The following CELF4 variants were observed in gnomAD, a reference collection of about 807,000 sequenced individuals.
CELF4 encodes the protein CUGBP Elav-like family member 4, also known as CUG-BP- and ETR-3-like factor 4.
CELF4 carries 18 observed loss-of-function variants against 59.9 expected under a neutral mutation model. The observed-to-expected ratio is 0.30, with a 90% CI of 0.21 to 0.45. CELF4 has a LOEUF of 0.45. Ranked by LOEUF, CELF4 falls within the 20% of genes least tolerant of loss-of-function variation. The pLI, the probability that CELF4 is intolerant of heterozygous loss-of-function variation, is 1.00. For synonymous variants in CELF4, 261 were observed against 267.1 expected (o/e 0.98, Z 0.22); for missense variants, 456 against 689.0 (o/e 0.66, Z 3.79).
At chr18:37,268,397 G>A (rs775324763) in intron 8 of CELF4, among the ~76,000 whole-genome samples, 2 of 152,190 alleles carry the variant, frequency 1.3e-5, no homozygotes, top group Non-Finnish European at 2.9e-5. Context: ...AACCACGTCC[G>A]GATTGTGCTC....
chr18:37,449,600 A>G (rs2099757521), intron 2 of CELF4, among the ~76,000 whole-genome samples: 3 of 152,184 alleles, frequency 2.0e-5, no homozygotes, highest in South Asian at 2.1e-4. Context: ...AACAATGAAC[A>G]TGCAAGTCAG....
chr18:37,451,252 G>A (rs2099762941), intron 2 of CELF4, among the ~76,000 whole-genome samples: 1 of 152,208 alleles, frequency 6.6e-6, no homozygotes, highest in African/African-American at 2.4e-5. Context: ...GGCCAGGAAT[G>A]TGAGCCTGAT....
At chr18:37,427,967 G>A (rs1290072276) in intron 2 of CELF4, among the ~76,000 whole-genome samples, 4 of 152,244 alleles carry the variant, frequency 2.6e-5, no homozygotes, top group African/African-American at 7.2e-5. Flanking sequence ...TACGGTGTGT[G>A]TATGTGTGCG....
chr18:37,254,337 T>C lies in CELF4; in HGVS notation c.1334-399A>G, dbSNP rs912358026. 1.3e-5 allele frequency among the ~76,000 whole-genome samples: 2 copies of C among 151,504 alleles called. No individual in the cohort carries two copies. Among genetic ancestry groups the C allele is most frequent in the African/African-American group, 4.8e-5 (2 of 41,242 alleles). ...TGGAGGAGTTTATTGGACACTGTCC[T>C]CCCTGACAGGAGGGGGCCTGGCAGC... is the stretch of plus-strand genomic sequence containing the variant. On this transcript the variant is annotated intron_variant, in intron 11 of 12. Transcript: ENST00000420428. This position sits in a 1 kb window ranked among gnomAD's most constrained non-coding sequence, Gnocchi z 5.1.
chr18:37,479,117 G>A (rs2099858963), intron 2 of CELF4, among the ~76,000 whole-genome samples: 3 of 152,194 alleles, frequency 2.0e-5, no homozygotes, highest in African/African-American at 4.8e-5. Context: ...GCATGTGAAC[G>A]GCAGGCGACA....
intron 2 of CELF4, among the ~76,000 whole-genome samples, chr18:37,477,916 G>A (rs1243217845): frequency 6.6e-6 from 1 of 152,170 alleles, no homozygotes; most frequent in African/African-American, 2.4e-5. Flanking sequence ...ATGCCTGTCT[G>A]GTGTCCTTAG....
At chr18:37,317,359 C>T (rs1178263611) in intron 3 of CELF4, among the ~76,000 whole-genome samples, 2 of 151,970 alleles carry the variant, frequency 1.3e-5, no homozygotes, top group Non-Finnish European at 2.9e-5. Context: ...CGCACTCCAG[C>T]CTGGGCAACA....
At position 37,253,718 on chromosome 18, in the gene CELF4, C is replaced by G; in HGVS notation, c.*44+49G>C. On this transcript the variant is annotated intron_variant, in intron 12 of 12. Coordinates refer to ENST00000420428, the MANE Select transcript of CELF4 (RefSeq NM_020180.4). The surrounding 1 kb of genome is among the most constrained non-coding windows in gnomAD (Gnocchi z 4.5). ...AGGCCGGAGGAGGCGGCGGGTCCGT[C>G]TGGTTCCCTCCCAACCCCCGTCCCC... 1 of 1,431,658 alleles carries G rather than the reference C, an allele frequency of 7.0e-7. No homozygotes were observed. Among genetic ancestry groups the G allele is most frequent in the Non-Finnish European group, 9.4e-7 (1 of 1,067,152 alleles). 88.7% of individuals were successfully genotyped at this position (1,431,658 alleles called of 1,614,324 possible). A position where few individuals can be genotyped will look rare whatever the true frequency, so the allele number is the denominator to read the frequency against.
In CELF4 at chr18:37,249,352, C is replaced by G. The variant is rs138887298; in HGVS notation, c.*45-4155G>C. On this transcript the variant is annotated intron_variant, in intron 12 of 12. Coordinates refer to ENST00000420428, the MANE Select transcript of CELF4 (RefSeq NM_020180.4). ...GACTCCCTGGGACTCTCCTCTTTCT[C>G]CCTCCATTCCAGCCCTGAGCCCTTC... Among the ~76,000 whole-genome samples the G allele has an allele frequency of 1.5e-3, 230 of 152,272 alleles. 1 individual carries two copies. The highest frequency in any genetic ancestry group is 5.4e-3 in the African/African-American group (223 of 41,562).
rs539644151 is a variant in CELF4 at position 37,376,797 on chromosome 18, A to T, written c.370-54916T>A. 3.9e-5 allele frequency among the ~76,000 whole-genome samples: 6 copies of T among 152,316 alleles called. No homozygotes were observed. In the East Asian group the frequency reaches 1.2e-3, roughly 29 times the overall value. ...TTCCTCTGGCCTGGCAAGGGTTGGG[A>T]TCGTAAACTGGAGTTCAGTTCATGC... On this transcript the variant is annotated intron_variant, in intron 2 of 12. Coordinates refer to ENST00000420428, the MANE Select transcript of CELF4 (RefSeq NM_020180.4).
chr18:37,504,343 A>G (rs2099935154), intron 1 of CELF4, among the ~76,000 whole-genome samples: 1 of 151,108 alleles, frequency 6.6e-6, no homozygotes, highest in Admixed American at 6.6e-5. Context: ...ATACAAAATT[A>G]GCTGGGCATG....
chr18:37,466,128 C>G (rs913685750), intron 2 of CELF4, among the ~76,000 whole-genome samples: 1 of 152,226 alleles, frequency 6.6e-6, no homozygotes, highest in Non-Finnish European at 1.5e-5. Context: ...CTCTTTCTGT[C>G]TGCTCTTGAT....
intron 2 of CELF4, among the ~76,000 whole-genome samples, chr18:37,348,665 C>T (rs976756171): frequency 4.6e-5 from 7 of 152,068 alleles, no homozygotes; most frequent in African/African-American, 7.2e-5. Context: ...TTGGCTTTTG[C>T]GGTTTCTATC....
At chr18:37,545,256 G>T (rs1312344893) in intron 1 of CELF4, among the ~76,000 whole-genome samples, 1 of 152,202 alleles carries the variant, frequency 6.6e-6, no homozygotes, top group African/African-American at 2.4e-5. Flanking sequence ...CTCCAGATGA[G>T]CGAATGGGTA....
At chr18:37,278,987 G>T (rs1008407882) in intron 3 of CELF4, among the ~76,000 whole-genome samples, 12 of 152,176 alleles carry the variant, frequency 7.9e-5, no homozygotes, top group African/African-American at 2.9e-4. Flanking sequence ...TGCCAGTTTC[G>T]CAAGAGTCTT....
At position 37,471,155 on chromosome 18, in the gene CELF4, G is replaced by A. The variant is rs145288839; in HGVS notation, c.369+14370C>T. ...AGCCCTCCACCAGCAGGACTTGCCC[G>A]AAACCAAGTGAGTAGCTCCTGCCAG... On this transcript the variant is annotated intron_variant, in intron 2 of 12. Transcript: ENST00000420428. Among the ~76,000 whole-genome samples the A allele has an allele frequency of 7.5e-3, 1,138 of 152,112 alleles. 6 individuals carry two copies. Among genetic ancestry groups the A allele is most frequent in the Non-Finnish European group, 0.011 (746 of 67,982 alleles).
chr18:37,298,155 G>A (rs1168894490), intron 3 of CELF4, among the ~76,000 whole-genome samples: 1 of 152,226 alleles, frequency 6.6e-6, no homozygotes, highest in Non-Finnish European at 1.5e-5. Context: ...GCTGCAGGAA[G>A]GAGTGATGGC....
intron 1 of CELF4, among the ~76,000 whole-genome samples, chr18:37,492,639 G>A (rs2099909787): frequency 6.6e-6 from 1 of 152,104 alleles, no homozygotes; most frequent in Non-Finnish European, 1.5e-5. Context: ...TCATGTACAT[G>A]TTCTTCCTCT....
At chr18:37,422,057 G>A (rs2099581468) in intron 2 of CELF4, among the ~76,000 whole-genome samples, 1 of 152,232 alleles carries the variant, frequency 6.6e-6, no homozygotes, top group African/African-American at 2.4e-5. Context: ...GGAAGACACG[G>A]CGCTCAGTTG....
Sources: gnomAD v4.1 joint callset for allele counts (sites outside exome capture counted in the v4.1 genomes callset) on GRCh38, gnomAD v4.1.1 for gene constraint, Gnocchi (gnomAD v3.1) non-coding constraint, MANE v1.5 for transcripts, NCBI Gene and HGNC (gene_info 2026-07-23, HGNC 2026-07-21) for gene names.